The following DAGLB variants were observed in gnomAD, a reference collection of about 807,000 sequenced individuals.
The protein encoded by DAGLB is diacylglycerol lipase-beta.
A neutral mutation model predicts 72.1 loss-of-function variants in DAGLB; 66 were observed. The ratio of observed to expected loss-of-function variants is 0.92; its 90% CI spans 0.75 to 1.12. The LOEUF is 1.12. Among genes scored for constraint, DAGLB ranks in the 50% most tolerant of loss-of-function variants. DAGLB has a pLI of 0.00. For missense variants in DAGLB, 1,065 were observed against 884.9 expected (o/e 1.20, Z -2.58); for synonymous variants, 414 against 359.5 (o/e 1.15, Z -1.71).
chr7:6,428,133 G>A (rs1784368613), intron 6 of DAGLB, among the ~76,000 whole-genome samples: 1 of 151,964 alleles, frequency 6.6e-6, no homozygotes, highest in South Asian at 2.1e-4. Context: ...GATCACCTGA[G>A]GTCAGGAGTT....
At chr7:6,439,364 C>T (rs1474272042) in intron 2 of DAGLB, among the ~76,000 whole-genome samples, 2 of 152,100 alleles carry the variant, frequency 1.3e-5, no homozygotes, top group African/African-American at 2.4e-5. Context: ...TTCCTAAGGT[C>T]GCTGGCCCCA....
At chr7:6,413,179 C>T (rs182599874) in intron 11 of DAGLB, 145 bp from the exon 12 acceptor site, 11 of 854,034 alleles carry the variant, frequency 1.3e-5, no homozygotes, top group East Asian at 5.4e-5. Flanking sequence ...GTAGGGGAAA[C>T]GTCAGTTATG....
At chr7:6,447,516 C>T (rs1785048402) in intron 1 of DAGLB, among the ~76,000 whole-genome samples, 1 of 152,108 alleles carries the variant, frequency 6.6e-6, no homozygotes, top group Admixed American at 6.5e-5. Context: ...CCCTGTTTGT[C>T]CCCCGGGGTC....
chr7:6,415,612 C>T (rs981486626), intron 11 of DAGLB, among the ~76,000 whole-genome samples: 6 of 132,414 alleles, frequency 4.5e-5, no homozygotes, highest in Admixed American at 1.5e-4. Context: ...GCCAAGGTGG[C>T]GGATCATGAG....
intron 6 of DAGLB, among the ~76,000 whole-genome samples, chr7:6,428,349 A>C (rs1003592778): frequency 2.0e-5 from 3 of 151,254 alleles, no homozygotes; most frequent in Non-Finnish European, 4.4e-5. Flanking sequence ...AGAAAGAAAG[A>C]AAAAGAAAAA....
chr7:6,433,581 T>G (rs1210946249), intron 4 of DAGLB, among the ~76,000 whole-genome samples: 3 of 152,186 alleles, frequency 2.0e-5, no homozygotes, highest in African/African-American at 7.2e-5. Context: ...GACTCACGCC[T>G]GTAATCCCAG....
Position 6,447,834 on chromosome 7 carries a change from C to G in DAGLB, c.9G>C (p.Gly3=). 1 of 1,611,714 alleles carries G rather than the reference C, an allele frequency of 6.2e-7. No individual in the cohort carries two copies. Among genetic ancestry groups the G allele is most frequent in the South Asian group, 1.1e-5 (1 of 90,622 alleles). ...CCCAGCGCCGGCCGAAGAGTACCAT[C>G]CCCGGCATGGCGAAGGTCCCGTAGC... MP[G]MVLFGRRWAI... Residue 3 remains glycine, a synonymous_variant, in exon 1 of 15, where the codon GGG becomes GGC. Coordinates refer to ENST00000297056, the MANE Select transcript of DAGLB (RefSeq NM_139179.4).
rs767269752 is a variant in DAGLB, at chr7:6,409,969, T to A, written c.1887A>T (p.Ile629=). The change falls in exon 15 of 15, where the codon ATA becomes ATT. Residue 629 remains isoleucine, a synonymous_variant. Coordinates refer to ENST00000297056, the MANE Select transcript of DAGLB (RefSeq NM_139179.4). The part of the protein sequence containing the change: ...KWSHEAEFSK[I]LIGPKMLTDH... ...CGGTGAGCATCTTCGGACCTATGAG[T>A]ATTTTGCTGAATTCCGCTTCGTGTG... 2 of 1,613,984 alleles carry A rather than the reference T, an allele frequency of 1.2e-6. No individual in the cohort carries two copies. Among genetic ancestry groups the A allele is most frequent in the Non-Finnish European group, 1.7e-6 (2 of 1,180,006 alleles).
At chr7:6,434,195 T>C (rs1223033790) in intron 4 of DAGLB, among the ~76,000 whole-genome samples, 1 of 151,656 alleles carries the variant, frequency 6.6e-6, no homozygotes, top group Non-Finnish European at 1.5e-5. Context: ...TTTAACAGCA[T>C]TTAGCAGAGA....
chr7:6,410,817 A>G (rs1583277170), intron 13 of DAGLB, among the ~76,000 whole-genome samples: 1 of 149,348 alleles, frequency 6.7e-6, no homozygotes, highest in South Asian at 2.1e-4. Flanking sequence ...CGATTCTCCT[A>G]CCTCAGCCTA....
intron 2 of DAGLB, among the ~76,000 whole-genome samples, chr7:6,439,999 C>CTAA (rs1306811277): frequency 2.7e-5 from 4 of 147,720 alleles, no homozygotes; most frequent in Non-Finnish European, 3.0e-5. Context: ...ATGCAGTGAG[C>CTAA]TAAGATCACG....
chr7:6,426,212 A>G (rs1312181230), intron 6 of DAGLB, 98 bp from the exon 7 acceptor site: 5 of 1,551,628 alleles, frequency 3.2e-6, no homozygotes, highest in East Asian at 4.6e-5. Context: ...CGAGGACCAG[A>G]GCGGACAATT....
intron 7 of DAGLB, 23 bp from the exon 8 acceptor site, chr7:6,424,858 T>C (rs764733568): frequency 1.4e-5 from 22 of 1,611,850 alleles, no homozygotes; most frequent in African/African-American, 5.3e-5. Context: ...GAAACAAGCA[T>C]GGGGCCTAAA....
At chr7:6,412,510 G>C (rs1783762552) in intron 13 of DAGLB, 2 of 388,926 alleles carry the variant, frequency 5.1e-6, no homozygotes, top group African/African-American at 4.0e-5. Flanking sequence ...GTGTTGCCCA[G>C]GTTGGCCTCA....
intron 6 of DAGLB, among the ~76,000 whole-genome samples, chr7:6,429,570 C>T (rs1186315306): frequency 2.0e-5 from 3 of 151,456 alleles, no homozygotes; most frequent in Non-Finnish European, 2.9e-5. Flanking sequence ...GAGACCAGCC[C>T]GGTCAACATG....
chr7:6,410,101 G>C, intron 14 of DAGLB, 29 bp downstream of exon 14: 1 of 1,579,674 alleles, frequency 6.3e-7, no homozygotes, highest in East Asian at 2.2e-5. Context: ...GCTCCTGCCT[G>C]CCCACCACAC....
intron 2 of DAGLB, among the ~76,000 whole-genome samples, chr7:6,437,374 G>A (rs372975190): frequency 5.9e-5 from 9 of 152,046 alleles, no homozygotes; most frequent in African/African-American, 2.2e-4. Context: ...ACAATGACTG[G>A]GTTAGTCATT....
intron 13 of DAGLB, among the ~76,000 whole-genome samples, chr7:6,411,627 GA>G (rs1469128268): frequency 6.6e-6 from 1 of 151,970 alleles, no homozygotes; most frequent in Non-Finnish European, 1.5e-5. Context: ...TCTCAAAAAA[GA>G]AAAAACTGGG....
chr7:6,426,737 T>C (rs1404936453), intron 6 of DAGLB, among the ~76,000 whole-genome samples: 3 of 152,204 alleles, frequency 2.0e-5, no homozygotes, highest in Non-Finnish European at 2.9e-5. Context: ...CCTGTCCAAA[T>C]GAACAGCACA....
Sources: gnomAD v4.1 joint callset for allele counts (sites outside exome capture counted in the v4.1 genomes callset) on GRCh38, gnomAD v4.1.1 for gene constraint, MANE v1.5 for transcripts, NCBI Gene and HGNC (gene_info 2026-07-23, HGNC 2026-07-21) for gene names.